The following RBFOX1 variants were observed in gnomAD, a reference collection of about 807,000 sequenced individuals.
The protein encoded by RBFOX1 is RNA binding protein fox-1 homolog 1.
RBFOX1 carries 8 observed loss-of-function variants against 57.7 expected under a neutral mutation model. That is an observed-to-expected ratio of 0.14 (90% confidence interval 0.08 to 0.25). The LOEUF (loss-of-function observed/expected upper bound fraction) is 0.25, where lower values mean the gene tolerates loss of function less well. Ranked by LOEUF, RBFOX1 falls within the 10% of genes least tolerant of loss-of-function variation. The pLI is 1.00. For missense variants in RBFOX1, 611 were observed against 548.5 expected (o/e 1.11, Z -1.14); for synonymous variants, 326 against 222.4 (o/e 1.47, Z -4.15).
intron 3 of RBFOX1, among the ~76,000 whole-genome samples, chr16:5,736,254 A>G (rs1156729536): frequency 6.6e-6 from 1 of 152,166 alleles, no homozygotes; most frequent in Non-Finnish European, 1.5e-5. Context: ...ATACCAGGAC[A>G]TCTGTTTTGG....
rs1264795603 is a variant in RBFOX1 at position 6,260,956 on chromosome 16, G to T, written c.-126-56039G>T. Reference sequence around the variant, plus strand: ...TGAGATAATGTTGCTGAGAAGGAGAGTAATGTTGATTTTCCCTCTGGACAT... The same window carrying T: ...TGAGATAATGTTGCTGAGAAGGAGATTAATGTTGATTTTCCCTCTGGACAT... On this transcript the variant is annotated intron_variant, in intron 1 of 15. Transcript: ENST00000550418. 5.9e-5 allele frequency among the ~76,000 whole-genome samples: 9 copies of T among 152,198 alleles called. No homozygotes were observed. In the East Asian group the frequency reaches 1.7e-3, roughly 29 times the overall value.
intron 4 of RBFOX1, among the ~76,000 whole-genome samples, chr16:6,009,157 G>A (rs1022079136): frequency 2.0e-5 from 3 of 150,504 alleles, no homozygotes; most frequent in African/African-American, 4.9e-5. Context: ...TTGTGCACAC[G>A]GGTTCACAAC....
intron 3 of RBFOX1, among the ~76,000 whole-genome samples, chr16:7,033,428 G>T (rs1047579784): frequency 2.0e-5 from 3 of 152,200 alleles, no homozygotes; most frequent in Non-Finnish European, 2.9e-5. Flanking sequence ...GCTGAGGCAG[G>T]AGATTCGCTT....
chr16:5,882,330 A>T (rs1191881540), intron 4 of RBFOX1, among the ~76,000 whole-genome samples: 2 of 152,220 alleles, frequency 1.3e-5, no homozygotes, highest in African/African-American at 4.8e-5. Context: ...CATTCAACTC[A>T]AAGATGGAAC....
intron 3 of RBFOX1, among the ~76,000 whole-genome samples, chr16:5,622,468 T>C (rs1316286685): frequency 6.6e-6 from 1 of 152,284 alleles, no homozygotes; most frequent in Admixed American, 6.5e-5. Flanking sequence ...AACAAATCCA[T>C]TGAATTACAG....
intron 1 of RBFOX1, among the ~76,000 whole-genome samples, chr16:6,204,418 G>T (rs557295675): frequency 6.6e-6 from 1 of 152,254 alleles, no homozygotes; most frequent in East Asian, 1.9e-4. Flanking sequence ...TTTTTTTCTA[G>T]AAGGGCCTAG....
intron 4 of RBFOX1, among the ~76,000 whole-genome samples, chr16:7,420,955 A>G (rs1448315841): frequency 6.7e-6 from 1 of 149,002 alleles, no homozygotes; most frequent in Non-Finnish European, 1.5e-5. Context: ...ACACACACAC[A>G]CACACATATA....
chr16:5,834,691 A>ATAGG (rs1327338905), intron 3 of RBFOX1, among the ~76,000 whole-genome samples: 88 of 112,254 alleles, frequency 7.8e-4, no homozygotes, highest in African/African-American at 3.6e-3. Context: ...GGATAGGTAG[A>ATAGG]TAGATAGATA....
intron 5 of RBFOX1, among the ~76,000 whole-genome samples, chr16:7,571,635 C>T (rs1190984507): frequency 1.3e-5 from 2 of 152,120 alleles, no homozygotes; most frequent in African/African-American, 4.8e-5. Flanking sequence ...ACAGATCCCG[C>T]CTCCTAATAA....
chr16:7,705,114 CATTTG>C (rs1384509817), intron 14 of RBFOX1, among the ~76,000 whole-genome samples: 1 of 150,418 alleles, frequency 6.6e-6, no homozygotes, highest in Non-Finnish European at 1.5e-5. Context: ...AGGGAAGGGA[CATTTG>C]ATTTGAAACA....
At chr16:7,462,586 C>T (rs150737173) in intron 4 of RBFOX1, among the ~76,000 whole-genome samples, 2 of 152,236 alleles carry the variant, frequency 1.3e-5, no homozygotes, top group South Asian at 2.1e-4. Context: ...ACTGGGTCCT[C>T]TGTTTAGAGA....
intron 5 of RBFOX1, among the ~76,000 whole-genome samples, chr16:7,542,935 C>A (rs367938131): frequency 1.4e-4 from 21 of 152,164 alleles, no homozygotes; most frequent in African/African-American, 4.6e-4. Flanking sequence ...CCCACACATA[C>A]AAACAAGAAA....
chr16:5,779,122 A>C (rs1171413603), intron 3 of RBFOX1, among the ~76,000 whole-genome samples: 2 of 152,158 alleles, frequency 1.3e-5, no homozygotes, highest in Non-Finnish European at 2.9e-5. Context: ...TTTGATGACA[A>C]GTTTAGGGTG....
chr16:5,816,530 C>T (rs1009018409), intron 3 of RBFOX1, among the ~76,000 whole-genome samples: 2 of 152,182 alleles, frequency 1.3e-5, no homozygotes, highest in African/African-American at 4.8e-5. Flanking sequence ...CCTGGCCAGG[C>T]ATGGATCATG....
chr16:5,255,699 C>A (rs1029218049), intron 1 of RBFOX1, among the ~76,000 whole-genome samples: 2 of 151,970 alleles, frequency 1.3e-5, no homozygotes, highest in Non-Finnish European at 2.9e-5. Flanking sequence ...CATCCACCCA[C>A]CTATCTATCC....
intron 3 of RBFOX1, among the ~76,000 whole-genome samples, chr16:5,792,476 GC>G (rs1199493243): frequency 1.3e-5 from 2 of 152,134 alleles, no homozygotes; most frequent in Non-Finnish European, 2.9e-5. Flanking sequence ...CTCACTGAAC[GC>G]AAATGTTCTA....
At chr16:7,323,923 GATGGGTGGATGATGA>G (rs2096577807) in intron 4 of RBFOX1, among the ~76,000 whole-genome samples, 1 of 143,000 alleles carries the variant, frequency 7.0e-6, no homozygotes, top group Non-Finnish European at 1.5e-5. Context: ...TGGGTAGACG[GATGGGTGGATGATGA>G]GTGGGTGGAT....
intron 4 of RBFOX1, among the ~76,000 whole-genome samples, chr16:5,928,139 G>T (rs1338072519): frequency 6.6e-6 from 1 of 151,924 alleles, no homozygotes; most frequent in South Asian, 2.1e-4. Context: ...TGTCACCCAG[G>T]CTGGAGAACA....
intron 3 of RBFOX1, among the ~76,000 whole-genome samples, chr16:5,851,103 C>T (rs190597783): frequency 2.0e-5 from 3 of 152,308 alleles, no homozygotes; most frequent in East Asian, 1.9e-4. Flanking sequence ...CCCTTTGGTA[C>T]ACTGTGCTGT....
Sources: allele counts gnomAD v4.1 joint callset (sites outside exome capture counted in the v4.1 genomes callset), GRCh38; gene constraint gnomAD v4.1.1; transcripts MANE v1.5; gene names NCBI Gene and HGNC (gene_info 2026-07-23, HGNC 2026-07-21).